FGGY: variants seen among roughly 807,000 people sequenced by gnomAD.
FGGY encodes FGGY carbohydrate kinase domain-containing protein.
A neutral mutation model predicts 71.3 loss-of-function variants in FGGY; 72 were observed. That is an observed-to-expected ratio of 1.01 (90% confidence interval 0.84 to 1.23). The LOEUF (loss-of-function observed/expected upper bound fraction) is 1.23. FGGY is among the 50% of genes most tolerant of loss of function. The pLI, the probability that FGGY is intolerant of heterozygous loss-of-function variation, is 0.00. For synonymous variants in FGGY, 251 were observed against 250.3 expected, an observed-to-expected ratio of 1.00 and a Z score of -0.02; for missense variants, 668 against 682.3, an observed-to-expected ratio of 0.98 and a Z score of 0.23.
intron 7 of FGGY, among the ~76,000 whole-genome samples, chr1:59,524,708 C>T (rs570698654): frequency 2.1e-4 from 32 of 152,318 alleles, no homozygotes; most frequent in Middle Eastern, 6.8e-3. Flanking sequence ...GAGCTGGACA[C>T]TCATCTAGAC....
At chr1:59,304,983 A>G (rs2043240344) in intron 1 of FGGY, among the ~76,000 whole-genome samples, 1 of 152,142 alleles carries the variant, frequency 6.6e-6, no homozygotes, top group African/African-American at 2.4e-5. Context: ...GGTTTTCTAT[A>G]TATAATATCA....
At chr1:59,513,068 G>T (rs1047905682) in intron 7 of FGGY, among the ~76,000 whole-genome samples, 6 of 152,206 alleles carry the variant, frequency 3.9e-5, no homozygotes, top group Admixed American at 3.9e-4. Context: ...AAAGAATGAT[G>T]ACTTCCTCAT....
At chr1:59,625,731 A>G (rs530756392) in intron 9 of FGGY, among the ~76,000 whole-genome samples, 1 of 152,150 alleles carries the variant, frequency 6.6e-6, no homozygotes, top group Non-Finnish European at 1.5e-5. Flanking sequence ...CTACCAGTTT[A>G]GCCTTGGAAA....
intron 4 of FGGY, among the ~76,000 whole-genome samples, chr1:59,362,263 A>G (rs750894036): frequency 6.7e-6 from 1 of 148,562 alleles, no homozygotes; most frequent in Non-Finnish European, 1.5e-5. Flanking sequence ...TCCATTTTCC[A>G]TTCTTTCCAT....
At chr1:59,438,962 G>C (rs1447692608) in intron 5 of FGGY, among the ~76,000 whole-genome samples, 4 of 152,034 alleles carry the variant, frequency 2.6e-5, no homozygotes, top group Non-Finnish European at 5.9e-5. Context: ...TGTCTATAAT[G>C]TTTATAATAT....
chr1:59,485,550 T>C (rs1268413549), intron 6 of FGGY, among the ~76,000 whole-genome samples: 1 of 152,192 alleles, frequency 6.6e-6, no homozygotes, highest in East Asian at 1.9e-4. Context: ...CTCTGGACTT[T>C]GTTTGTATGA....
intron 11 of FGGY, among the ~76,000 whole-genome samples, chr1:59,649,903 T>C (rs1343590534): frequency 7.0e-6 from 1 of 142,898 alleles, no homozygotes; most frequent in Admixed American, 6.8e-5. Flanking sequence ...TAGATAGCTC[T>C]TATTATTTTG....
chr1:59,347,998 C>A (rs548170380), intron 4 of FGGY, among the ~76,000 whole-genome samples: 1 of 151,998 alleles, frequency 6.6e-6, no homozygotes, highest in Non-Finnish European at 1.5e-5. Context: ...GCAAAAGAAA[C>A]TACCATCAGA....
At chr1:59,611,843 G>A (rs1046576565) in intron 9 of FGGY, among the ~76,000 whole-genome samples, 14 of 152,216 alleles carry the variant, frequency 9.2e-5, no homozygotes, top group South Asian at 4.1e-4. Context: ...CGAGAACTAT[G>A]TGACAAATGC....
chr1:59,376,118 A>G (rs2058623751), intron 4 of FGGY, among the ~76,000 whole-genome samples: 2 of 152,168 alleles, frequency 1.3e-5, no homozygotes, highest in Admixed American at 1.3e-4. Flanking sequence ...TTTGATTCAC[A>G]TCGTCTCAAA....
intron 8 of FGGY, among the ~76,000 whole-genome samples, chr1:59,568,456 C>T (rs1379889719): frequency 5.8e-5 from 1 of 17,348 alleles, no homozygotes; most frequent in Non-Finnish European, 2.7e-4. Context: ...ATTCTATGGT[C>T]GGGGGGGCGG....
At chr1:59,382,056 G>C (rs1189830780) in intron 5 of FGGY, among the ~76,000 whole-genome samples, 2 of 152,120 alleles carry the variant, frequency 1.3e-5, no homozygotes, top group African/African-American at 4.8e-5. Flanking sequence ...TCTTGAAAAA[G>C]ATTTAGAATC....
chr1:59,618,974 G>A (rs2096783488), intron 9 of FGGY, among the ~76,000 whole-genome samples: 1 of 151,926 alleles, frequency 6.6e-6, no homozygotes, highest in African/African-American at 2.4e-5. Context: ...CTCCCGCCCT[G>A]GCTTTTGCTT....
chr1:59,311,307 G>A (rs2044275558), intron 1 of FGGY, among the ~76,000 whole-genome samples: 2 of 151,296 alleles, frequency 1.3e-5, no homozygotes, highest in African/African-American at 2.4e-5. Flanking sequence ...TACATGTGTA[G>A]AACCTGCAGG....
intron 5 of FGGY, among the ~76,000 whole-genome samples, chr1:59,387,665 T>C (rs2060231303): frequency 6.6e-6 from 1 of 152,168 alleles, no homozygotes; most frequent in East Asian, 1.9e-4. Context: ...TTGAACACCC[T>C]TATACCTTTT....
chr1:59,642,993 C>CA (rs2097053046), intron 11 of FGGY, among the ~76,000 whole-genome samples: 1 of 149,424 alleles, frequency 6.7e-6, no homozygotes, highest in Admixed American at 6.7e-5. Flanking sequence ...CAAGATCACG[C>CA]CACTGCACTC....
At chr1:59,664,496 G>T (rs1021135415) in intron 12 of FGGY, among the ~76,000 whole-genome samples, 3 of 152,128 alleles carry the variant, frequency 2.0e-5, no homozygotes, top group Admixed American at 1.3e-4. Flanking sequence ...CTTGTCTCAG[G>T]CCTGCTAATC....
intron 5 of FGGY, among the ~76,000 whole-genome samples, chr1:59,430,793 C>T (rs1275213437): frequency 2.6e-5 from 4 of 152,166 alleles, no homozygotes; most frequent in Non-Finnish European, 5.9e-5. Context: ...AGACACCACT[C>T]TTCAGTAATG....
At chr1:59,721,412 C>T (rs1255309586) in intron 14 of FGGY, among the ~76,000 whole-genome samples, 3 of 140,468 alleles carry the variant, frequency 2.1e-5, no homozygotes, top group African/African-American at 2.7e-5. Context: ...AGTCTTGGCT[C>T]ACTGCAGCCT....
Sources: gnomAD v4.1 joint callset for allele counts (sites outside exome capture counted in the v4.1 genomes callset) on GRCh38, gnomAD v4.1.1 for gene constraint, MANE v1.5 for transcripts, NCBI Gene and HGNC (gene_info 2026-07-23, HGNC 2026-07-21) for gene names.